The following TMTC2 variants were observed in gnomAD, a reference collection of about 807,000 sequenced individuals.
The protein encoded by TMTC2 is transmembrane O-mannosyltransferase targeting cadherins 2.
Under a neutral mutation model 82.4 loss-of-function variants are expected in TMTC2, and 43 were observed. That is an observed-to-expected ratio of 0.52 (90% confidence interval 0.41 to 0.67). TMTC2 has a LOEUF of 0.67. TMTC2 is among the 30% of genes least tolerant of loss of function. The pLI, the probability that TMTC2 is intolerant of heterozygous loss-of-function variation, is 0.00. For synonymous variants in TMTC2, 408 were observed against 381.9 expected, an observed-to-expected ratio of 1.07 and a Z score of -0.80; for missense variants, 919 against 1,012.4, an observed-to-expected ratio of 0.91 and a Z score of 1.25.
At chr12:82,933,977 T>C (rs1876179708) in intron 4 of TMTC2, among the ~76,000 whole-genome samples, 1 of 152,208 alleles carries the variant, frequency 6.6e-6, no homozygotes, top group African/African-American at 2.4e-5. Flanking sequence ...TTATATTCCA[T>C]GTTTGTAAAA....
intron 1 of TMTC2, among the ~76,000 whole-genome samples, chr12:82,726,011 G>A (rs1874429106): frequency 6.6e-6 from 1 of 152,266 alleles, no homozygotes; most frequent in Admixed American, 6.5e-5. Context: ...ATCTAGTTAT[G>A]TTAATAGAGA....
intron 11 of TMTC2, among the ~76,000 whole-genome samples, chr12:83,126,844 G>A (rs1251653034): frequency 6.6e-6 from 1 of 151,748 alleles, no homozygotes; most frequent in Non-Finnish European, 1.5e-5. Context: ...AAAAACTTTA[G>A]TAATTATTTA....
intron 2 of TMTC2, among the ~76,000 whole-genome samples, chr12:82,878,059 C>T (rs1397724949): frequency 6.6e-6 from 1 of 152,138 alleles, no homozygotes; most frequent in Non-Finnish European, 1.5e-5. Flanking sequence ...AAAATTGCCC[C>T]CAGCCTGTTC....
intron 1 of TMTC2, among the ~76,000 whole-genome samples, chr12:82,729,076 C>G (rs771612650): frequency 1.6e-4 from 24 of 152,246 alleles, no homozygotes; most frequent in South Asian, 4.1e-4. Flanking sequence ...GGTGCCCAGT[C>G]CCATCGACCA....
At chr12:83,054,679 G>A (rs1179911525) in intron 10 of TMTC2, among the ~76,000 whole-genome samples, 1 of 150,524 alleles carries the variant, frequency 6.6e-6, no homozygotes, top group South Asian at 2.1e-4. Flanking sequence ...CTGTATATTT[G>A]TGCATGTAGT....
intron 10 of TMTC2, among the ~76,000 whole-genome samples, chr12:83,052,737 T>G (rs1882399105): frequency 6.6e-6 from 1 of 152,186 alleles, no homozygotes; most frequent in African/African-American, 2.4e-5. Context: ...AATAAAGTCC[T>G]TGTTAAAGAC....
At chr12:82,791,937 T>G (rs1878488523) in intron 1 of TMTC2, among the ~76,000 whole-genome samples, 1 of 152,186 alleles carries the variant, frequency 6.6e-6, no homozygotes, top group Non-Finnish European at 1.5e-5. Context: ...GTTACCGTTC[T>G]AAGCTTCTTA....
At chr12:83,099,402 C>T (rs561777524) in intron 11 of TMTC2, among the ~76,000 whole-genome samples, 2 of 152,112 alleles carry the variant, frequency 1.3e-5, no homozygotes, top group South Asian at 4.1e-4. Flanking sequence ...TTCTCTGTCT[C>T]CTCACTTTGC....
rs1410470043 is a variant in TMTC2 at position 82,958,840 on chromosome 12, G to A, written c.1599-6184G>A. ...TGGAACTCCTAGCCAGACCAGTTAG[G>A]CAAGAGAAAGAAATAAAAGGCCTCC... On this transcript the variant is annotated intron_variant, in intron 4 of 11. Transcript: ENST00000321196. 3.9e-5 allele frequency among the ~76,000 whole-genome samples: 6 copies of A among 152,114 alleles called. No individual in the cohort carries two copies. The East Asian group carries it at 9.7e-4, about 25-fold the overall frequency.
intron 1 of TMTC2, among the ~76,000 whole-genome samples, chr12:82,833,009 A>G (rs1168990399): frequency 6.6e-6 from 1 of 152,216 alleles, no homozygotes; most frequent in African/African-American, 2.4e-5. Context: ...AGATGGTGTC[A>G]GACTAGCACA....
At chr12:82,930,313 T>G (rs570945122) in intron 3 of TMTC2, 118 bp from the exon 4 acceptor site, 19 of 567,692 alleles carry the variant, frequency 3.3e-5, no homozygotes, top group South Asian at 8.5e-5. Context: ...TACATTTTCC[T>G]TCTTAAAAAT....
chr12:82,870,827 G>A (rs1872136574), intron 2 of TMTC2, among the ~76,000 whole-genome samples: 1 of 152,202 alleles, frequency 6.6e-6, no homozygotes, highest in Non-Finnish European at 1.5e-5. Context: ...CAAGAAAGGA[G>A]AAAATGTGGG....
intron 8 of TMTC2, among the ~76,000 whole-genome samples, chr12:83,025,287 A>G (rs1367824539): frequency 6.6e-6 from 1 of 152,044 alleles, no homozygotes; most frequent in Non-Finnish European, 1.5e-5. Flanking sequence ...GGATGGCTAT[A>G]GAAGAAAAGG....
At chr12:83,110,433 CTTCTCTCCTTCTCTATAGAT>C (rs966042046) in intron 11 of TMTC2, among the ~76,000 whole-genome samples, 3 of 151,996 alleles carry the variant, frequency 2.0e-5, no homozygotes, top group Admixed American at 2.0e-4. Context: ...CTAGATACCC[CTTCTCTCCTTCTCTATAGAT>C]TTCTCTCCTT....
At chr12:83,019,790 G>A (rs554884173) in intron 8 of TMTC2, among the ~76,000 whole-genome samples, 3 of 152,032 alleles carry the variant, frequency 2.0e-5, no homozygotes, top group Non-Finnish European at 2.9e-5. Flanking sequence ...ACTTCTCTAC[G>A]TGCCTTCTGC....
At chr12:83,077,329 A>C (rs1161269261) in intron 11 of TMTC2, among the ~76,000 whole-genome samples, 1 of 152,094 alleles carries the variant, frequency 6.6e-6, no homozygotes, top group Non-Finnish European at 1.5e-5. Flanking sequence ...AACCAAGAGG[A>C]ACCCGAACAA....
Position 82,958,374 on chromosome 12 carries a change from AAAAAAC to A in TMTC2, c.1599-6644_1599-6639del, listed in dbSNP as rs1399378128. Among the ~76,000 whole-genome samples, 83 of 84,540 alleles carry A rather than the reference AAAAAAC, an allele frequency of 9.8e-4. 5 individuals are homozygous for A. Among genetic ancestry groups the A allele is most frequent in the African/African-American group, 3.5e-3 (65 of 18,790 alleles). The allele number at this position is 84,540 out of a possible 152,430, so 55.5% of individuals were successfully genotyped here. A position where few individuals can be genotyped will look rare whatever the true frequency, so the allele number is the denominator to read the frequency against. On this transcript the variant is annotated intron_variant, in intron 4 of 11. Transcript: ENST00000321196. ...TGTCTCAAAAAAAAAAAAAAAACAA[AAAAAAC>A]AAAAAAACTACTGACCAATATCCCT...
intron 3 of TMTC2, among the ~76,000 whole-genome samples, chr12:82,917,853 T>C (rs537233610): frequency 9.3e-5 from 14 of 150,606 alleles, no homozygotes; most frequent in Admixed American, 2.0e-4. Flanking sequence ...CCACCCGCCT[T>C]GGCCTCCCAA....
intron 11 of TMTC2, among the ~76,000 whole-genome samples, chr12:83,089,728 C>A (rs1420156343): frequency 6.6e-6 from 1 of 151,762 alleles, no homozygotes; most frequent in Non-Finnish European, 1.5e-5. Context: ...ACAGGAGATT[C>A]TCAAAGCTCC....
Sources: allele counts gnomAD v4.1 joint callset (sites outside exome capture counted in the v4.1 genomes callset), GRCh38; gene constraint gnomAD v4.1.1; transcripts MANE v1.5; gene names NCBI Gene and HGNC (gene_info 2026-07-23, HGNC 2026-07-21).